The following LPGAT1 variants were observed in gnomAD, a reference collection of about 807,000 sequenced individuals.
LPGAT1 encodes acyl-CoA:lysophosphatidylglycerol acyltransferase 1.
LPGAT1 carries 11 observed loss-of-function variants against 47.5 expected under a neutral mutation model. The observed-to-expected ratio is 0.23, with a 90% CI of 0.15 to 0.38. The LOEUF (loss-of-function observed/expected upper bound fraction) is 0.38. LPGAT1 is among the 10% of genes least tolerant of loss of function. The probability of loss-of-function intolerance (pLI) is 1.00; values close to 1 mark genes in which losing one functional copy is unlikely to be tolerated. For missense variants in LPGAT1, 293 were observed against 439.0 expected (o/e 0.67, Z 2.97); for synonymous variants, 138 against 144.2 (o/e 0.96, Z 0.31).
chr1:211,814,195 G>A (rs1266196546), intron 2 of LPGAT1, among the ~76,000 whole-genome samples: 2 of 152,178 alleles, frequency 1.3e-5, no homozygotes. Flanking sequence ...CTTAATATGC[G>A]TATGGATTCC....
chr1:211,800,198 T>C (rs1169582395), intron 2 of LPGAT1, among the ~76,000 whole-genome samples: 4 of 151,570 alleles, frequency 2.6e-5, no homozygotes, highest in Non-Finnish European at 5.9e-5. Context: ...AGCTAATTTT[T>C]TTTTTTTTTT....
chr1:211,825,959 CAAA>C (rs914464272), intron 2 of LPGAT1, among the ~76,000 whole-genome samples: 1 of 140,480 alleles, frequency 7.1e-6, no homozygotes, highest in Admixed American at 7.1e-5. Context: ...GACTCCATCT[CAAA>C]AAAAAAAAGG....
chr1:211,826,644 G>A (rs987413912), intron 2 of LPGAT1, among the ~76,000 whole-genome samples: 55 of 148,036 alleles, frequency 3.7e-4, no homozygotes, highest in Admixed American at 3.5e-3. Flanking sequence ...CATATTACAC[G>A]GAATGTCATA....
rs141185942 is a variant in LPGAT1 at position 211,788,431 on chromosome 1, C to T, written c.358-704G>A. 2.4e-3 allele frequency among the ~76,000 whole-genome samples: 372 copies of T among 152,134 alleles called. 3 individuals are homozygous for T. The highest frequency in any genetic ancestry group is 8.3e-3 in the African/African-American group (344 of 41,492). ...GGCACAGTGGCTCACGCCTGTAATC[C>T]CAGCACTTTAGGAGGCAGAGGCAGG... On this transcript the variant is annotated intron_variant, in intron 3 of 7. Transcript: ENST00000366997.
intron 6 of LPGAT1, among the ~76,000 whole-genome samples, chr1:211,778,535 G>A (rs1445614510): frequency 6.6e-6 from 1 of 152,024 alleles, no homozygotes. Flanking sequence ...GACTCGCCCT[G>A]AATTCTTTCT....
At chr1:211,799,625 C>T (rs986021346) in intron 2 of LPGAT1, among the ~76,000 whole-genome samples, 12 of 152,124 alleles carry the variant, frequency 7.9e-5, no homozygotes, top group African/African-American at 2.9e-4. Context: ...ATAGGGTGGA[C>T]AAGCCAAGTC....
intron 2 of LPGAT1, among the ~76,000 whole-genome samples, chr1:211,811,799 GACTCT>G (rs1400214082): frequency 2.1e-5 from 2 of 94,060 alleles, no homozygotes; most frequent in Non-Finnish European, 6.0e-5. Flanking sequence ...GACAGAGTGA[GACTCT>G]GCCATCCCGC....
intron 6 of LPGAT1, among the ~76,000 whole-genome samples, chr1:211,778,549 T>C (rs1196958934): frequency 1.3e-5 from 2 of 152,136 alleles, no homozygotes; most frequent in Non-Finnish European, 2.9e-5. Flanking sequence ...TCTTTCTTGC[T>C]CAAGATCCAA....
chr1:211,795,618 C>T (rs186406962), intron 2 of LPGAT1, among the ~76,000 whole-genome samples: 55 of 152,282 alleles, frequency 3.6e-4, no homozygotes, highest in African/African-American at 1.2e-3. Context: ...CCGCCCACCT[C>T]GGCCTCCCAA....
chr1:211,758,653 G>A (rs1657563938), intron 6 of LPGAT1, among the ~76,000 whole-genome samples: 1 of 152,026 alleles, frequency 6.6e-6, no homozygotes, highest in Non-Finnish European at 1.5e-5. Context: ...CAGTGAGCCA[G>A]GATCACACCA....
chr1:211,794,356 T>C (rs907212095), intron 2 of LPGAT1, among the ~76,000 whole-genome samples: 1 of 152,186 alleles, frequency 6.6e-6, no homozygotes, highest in African/African-American at 2.4e-5. Flanking sequence ...TGGAGTGCAA[T>C]GGTGCAATCA....
intron 1 of LPGAT1, chr1:211,829,818 C>G (rs1660663347): frequency 1.0e-6 from 1 of 985,678 alleles, no homozygotes; most frequent in Non-Finnish European, 1.2e-6. Flanking sequence ...CTGGCTCTAG[C>G]GAAGAGTTAC....
chr1:211,783,640 A>G, intron 4 of LPGAT1, 138 bp from the exon 5 acceptor site: 1 of 658,504 alleles, frequency 1.5e-6, no homozygotes, highest in African/African-American at 1.9e-5. Flanking sequence ...ACCCCAACTT[A>G]CTGCCCTTTT....
At chr1:211,820,833 T>A (rs1660345250) in intron 2 of LPGAT1, among the ~76,000 whole-genome samples, 1 of 151,996 alleles carries the variant, frequency 6.6e-6, no homozygotes. Flanking sequence ...TACGTTTGAA[T>A]CTAAATATTA....
chr1:211,804,264 G>C (rs1018660013), intron 2 of LPGAT1, among the ~76,000 whole-genome samples: 3 of 151,942 alleles, frequency 2.0e-5, no homozygotes, highest in African/African-American at 7.3e-5. Context: ...TGCCCATGCT[G>C]GTCTCAGATT....
At chr1:211,788,500 T>C (rs1000361720) in intron 3 of LPGAT1, among the ~76,000 whole-genome samples, 4 of 151,892 alleles carry the variant, frequency 2.6e-5, no homozygotes, top group Non-Finnish European at 5.9e-5. Context: ...CTGGCCAAAA[T>C]GGTGAAACCC....
intron 4 of LPGAT1, among the ~76,000 whole-genome samples, chr1:211,786,137 C>T (rs1357185753): frequency 6.6e-6 from 1 of 152,134 alleles, no homozygotes; most frequent in East Asian, 1.9e-4. Flanking sequence ...GTGTCCACTC[C>T]CCATTGCCAC....
At chr1:211,801,928 T>A (rs991546160) in intron 2 of LPGAT1, among the ~76,000 whole-genome samples, 2 of 144,434 alleles carry the variant, frequency 1.4e-5, no homozygotes, top group Admixed American at 6.8e-5. Context: ...AAAAAAAAAT[T>A]TTTTTTTAAA....
chr1:211,779,605 C>G (rs544158258), intron 5 of LPGAT1, among the ~76,000 whole-genome samples: 128 of 152,258 alleles, frequency 8.4e-4, no homozygotes, highest in African/African-American at 2.9e-3. Flanking sequence ...AATCCCAGAA[C>G]TTTGGAAGGC....
Sources: gnomAD v4.1 joint callset for allele counts (sites outside exome capture counted in the v4.1 genomes callset) on GRCh38, gnomAD v4.1.1 for gene constraint, MANE v1.5 for transcripts, NCBI Gene and HGNC (gene_info 2026-07-23, HGNC 2026-07-21) for gene names.